The following MTAP variants were observed in gnomAD, a reference collection of about 807,000 sequenced individuals.
MTAP encodes the protein S-methyl-5'-thioadenosine phosphorylase.
A neutral mutation model predicts 33.6 loss-of-function variants in MTAP; 33 were observed. The ratio of observed to expected loss-of-function variants is 0.98; its 90% confidence interval spans 0.74 to 1.31. MTAP has a LOEUF of 1.31. Among genes scored for constraint, MTAP ranks in the 40% most tolerant of loss-of-function variants. MTAP has a pLI of 0.00. For missense variants in MTAP, 367 were observed against 360.0 expected, an observed-to-expected ratio of 1.02 and a Z score of -0.16; for synonymous variants, 148 against 125.7, an observed-to-expected ratio of 1.18 and a Z score of -1.19.
Position 21,863,929 on chromosome 9 carries a change from T to C in MTAP, c.*1915T>C. The C allele has an allele frequency of 2.0e-6, 2 of 985,864 alleles. No homozygotes were observed. Among genetic ancestry groups the C allele is most frequent in the Non-Finnish European group, 2.4e-6 (2 of 829,938 alleles). The allele number at this position is 985,864 out of a possible 1,614,324, so 61.1% of individuals were successfully genotyped here. On this transcript the variant is annotated 3_prime_UTR_variant, in exon 8 of 8. Transcript: ENST00000644715. ...GACCCTTGGACTTCCTGATGTAGTA[T>C]TAAATTTCAACTCTGGTTATCCATT... is the stretch of plus-strand genomic sequence containing the variant.
chr9:21,809,720 C>T (rs1001587515), intron 1 of MTAP, among the ~76,000 whole-genome samples: 15 of 152,180 alleles, frequency 9.9e-5, no homozygotes, highest in Admixed American at 7.8e-4. Context: ...GAACCACCTG[C>T]GGAGCTTTAA....
intron 1 of MTAP, chr9:21,892,399 T>C (rs1174913488): frequency 2.0e-5 from 3 of 151,952 alleles, no homozygotes; most frequent in East Asian, 3.9e-4. Flanking sequence ...GTGACACCCA[T>C]AGGCTCAAAA....
chr9:21,868,836 C>T (rs1587263773), downstream of MTAP, among the ~76,000 whole-genome samples: 1 of 152,174 alleles, frequency 6.6e-6, no homozygotes, highest in Admixed American at 6.5e-5. Flanking sequence ...ATCGTCATCA[C>T]CTGGAGGGCT....
chr9:21,906,757 G>T lies in MTAP; in HGVS notation c.148-24251G>T, dbSNP rs560238315. Among the ~76,000 whole-genome samples the T allele has an allele frequency of 2.0e-5, 3 of 152,272 alleles. No homozygotes were observed. The South Asian group carries it at 6.2e-4, about 32-fold the overall frequency. On this transcript the variant is annotated intron_variant, in intron 1 of 1. Coordinates refer to the MTAP transcript ENST00000577563. ...AAAATGATAATGATTATCTATAAAA[G>T]AACATTTATTGGTATAACAGCAATT...
At chr9:21,890,880 C>T (rs183692453) in intron 1 of MTAP, among the ~76,000 whole-genome samples, 1 of 152,068 alleles carries the variant, frequency 6.6e-6, no homozygotes, top group African/African-American at 2.4e-5. Flanking sequence ...TTCTTGTGGT[C>T]GTTCTTGGAG....
downstream of MTAP, among the ~76,000 whole-genome samples, chr9:21,872,061 A>G (rs973001533): frequency 2.6e-5 from 4 of 152,148 alleles, no homozygotes; most frequent in Non-Finnish European, 5.9e-5. Flanking sequence ...CACACCTGTA[A>G]TCCCAGCACT....
intron 1 of MTAP, among the ~76,000 whole-genome samples, chr9:21,883,725 G>A (rs1818055423): frequency 6.6e-6 from 1 of 151,368 alleles, no homozygotes; most frequent in African/African-American, 2.4e-5. Context: ...GACCACAGGT[G>A]GTCTGGAGTT....
intron 4 of MTAP, 146 bp downstream of exon 4, chr9:21,818,348 G>A (rs1824539827): frequency 1.7e-6 from 1 of 603,658 alleles, no homozygotes; most frequent in South Asian, 2.0e-5. Context: ...TTTTTTTGGA[G>A]ACGGAGCCTC....
chr9:21,936,032 AT>A (rs1299929452), downstream of MTAP: 1 of 152,254 alleles, frequency 6.6e-6, no homozygotes, highest in Non-Finnish European at 1.5e-5. Context: ...CAAAAGCCAG[AT>A]CTGAAAAATG....
chr9:21,892,137 C>G (rs767398351), intron 1 of MTAP: 1 of 152,152 alleles, frequency 6.6e-6, no homozygotes, highest in African/African-American at 2.4e-5. Context: ...AATGCAGAAT[C>G]AAAAGACTGT....
chr9:21,853,042 T>C (rs1347993787), intron 5 of MTAP, among the ~76,000 whole-genome samples: 1 of 152,186 alleles, frequency 6.6e-6, no homozygotes, highest in Non-Finnish European at 1.5e-5. Context: ...CTTAAGATAG[T>C]GTTAGCTGTT....
At chr9:21,821,361 A>C (rs958479509) in intron 4 of MTAP, among the ~76,000 whole-genome samples, 4 of 152,172 alleles carry the variant, frequency 2.6e-5, no homozygotes, top group Non-Finnish European at 5.9e-5. Flanking sequence ...TCAAAGGCCT[A>C]TTCTGCATCT....
chr9:21,887,955 C>T (rs1587276330), intron 1 of MTAP, among the ~76,000 whole-genome samples: 1 of 152,098 alleles, frequency 6.6e-6, no homozygotes, highest in African/African-American at 2.4e-5. Context: ...TATAGCAGTA[C>T]TACTGATTTG....
At chr9:21,852,641 G>T (rs763734055) in intron 5 of MTAP, among the ~76,000 whole-genome samples, 11 of 146,852 alleles carry the variant, frequency 7.5e-5, no homozygotes, top group Non-Finnish European at 1.5e-4. Flanking sequence ...CAGAATCCCA[G>T]AAATCACTAC....
intron 4 of MTAP, among the ~76,000 whole-genome samples, chr9:21,828,539 G>A (rs947225007): frequency 1.3e-5 from 2 of 152,142 alleles, no homozygotes; most frequent in Admixed American, 6.6e-5. Context: ...GTAGCCAGGT[G>A]TGGTGAGCAC....
chr9:21,839,160 C>T (rs138942958), intron 5 of MTAP, among the ~76,000 whole-genome samples: 134 of 148,166 alleles, frequency 9.0e-4, no homozygotes, highest in African/African-American at 3.2e-3. Context: ...TAGGAAAGTA[C>T]GTCTTTTACT....
chr9:21,830,943 G>T (rs1378489597), intron 4 of MTAP, among the ~76,000 whole-genome samples: 1 of 151,322 alleles, frequency 6.6e-6, no homozygotes, highest in Non-Finnish European at 1.5e-5. Flanking sequence ...TGGTGCACAG[G>T]ATTGGTTTTT....
chr9:21,895,415 C>T (rs1818274053), intron 1 of MTAP, among the ~76,000 whole-genome samples: 2 of 152,194 alleles, frequency 1.3e-5, no homozygotes, highest in Admixed American at 6.5e-5. Flanking sequence ...ATGAGCAATG[C>T]AGAAGACCAG....
chr9:21,860,562 T>C (rs974634474), intron 7 of MTAP: 4 of 152,188 alleles, frequency 2.6e-5, no homozygotes, highest in Non-Finnish European at 5.9e-5. Context: ...CCATGAAGTG[T>C]TTTATCATAA....
Sources: gnomAD v4.1 joint callset for allele counts (sites outside exome capture counted in the v4.1 genomes callset) on GRCh38, gnomAD v4.1.1 for gene constraint, MANE v1.5 for transcripts, NCBI Gene and HGNC (gene_info 2026-07-23, HGNC 2026-07-21) for gene names.